The following ATAT1 variants were observed in gnomAD, a reference collection of about 807,000 sequenced individuals.
ATAT1 encodes alpha-tubulin N-acetyltransferase 1.
ATAT1 carries 42 observed loss-of-function variants against 57.2 expected under a neutral mutation model. That is an observed-to-expected ratio of 0.73 (90% CI 0.57 to 0.95). ATAT1 has a LOEUF of 0.95. ATAT1 is among the 40% of genes least tolerant of loss of function. ATAT1 has a pLI of 0.00. For synonymous variants in ATAT1, 168 were observed against 187.1 expected (o/e 0.90, Z 0.83); for missense variants, 454 against 523.7 (o/e 0.87, Z 1.30).
Position 30,645,965 on chromosome 6 carries a change from C to T in ATAT1, c.1003C>T (p.Pro335Ser), listed in dbSNP as rs777516838. The change falls in exon 11 of 13, where the codon CCC (proline) becomes TCC (serine). Residue 335 changes from proline (P) to serine (S), a missense_variant. Around this residue, in one of 3 missense-constraint regions of ATAT1, gnomAD observed 216 missense variants for 222.2 expected, o/e 0.97. Transcript: ENST00000330083. ...CCATGGGGGGGTGAATTCCTCATCCCCCAATACAGGTAAGTATTCACTCCT... is the reference window on the plus strand; with the variant it reads ...CCATGGGGGGGTGAATTCCTCATCCTCCAATACAGGTAAGTATTCACTCCT... The T allele has an allele frequency of 7.0e-5, 110 of 1,576,146 alleles. No individual in the cohort carries two copies. The highest frequency in any genetic ancestry group is 9.3e-5 in the Non-Finnish European group (108 of 1,161,066).
chr6:30,634,151 G>A lies in ATAT1; in HGVS notation c.501+5721G>A, dbSNP rs542235912. On this transcript the variant is annotated intron_variant, in intron 6 of 12. Coordinates refer to ENST00000330083, the MANE Select transcript of ATAT1 (RefSeq NM_001031722.4). Reference sequence around the variant, plus strand: ...GAATTTGCAACAGAGGAGGAAAAAAGAACCAAAACTTCCAAGGTCTTGCTC... The same window carrying A: ...GAATTTGCAACAGAGGAGGAAAAAAAAACCAAAACTTCCAAGGTCTTGCTC... Among the ~76,000 whole-genome samples the A allele has an allele frequency of 9.3e-3, 1,422 of 152,142 alleles. 7 individuals are homozygous for A. Among genetic ancestry groups the A allele is most frequent in the Middle Eastern group, 0.034 (10 of 294 alleles).
intron 8 of ATAT1, among the ~76,000 whole-genome samples, chr6:30,641,136 C>A (rs1332583327): frequency 5.3e-5 from 8 of 151,966 alleles, no homozygotes; most frequent in Non-Finnish European, 1.2e-4. Context: ...CACACACACA[C>A]AAACACACTT....
chr6:30,636,224 G>A (rs1764041411), intron 6 of ATAT1, among the ~76,000 whole-genome samples: 3 of 152,174 alleles, frequency 2.0e-5, no homozygotes, highest in African/African-American at 7.2e-5. Context: ...GTGTTTGTCA[G>A]GTGGACAAAA....
In ATAT1 at chr6:30,627,034, C is replaced by G; in HGVS notation, c.-170C>G. 2 of 1,552,040 alleles carry G rather than the reference C, an allele frequency of 1.3e-6. No individual in the cohort carries two copies. The highest frequency in any genetic ancestry group is 1.7e-6 in the Non-Finnish European group (2 of 1,144,798). ...ACCCTCTGGCCCTTTTCTCCCGGTT[C>G]CTCTCCAAACCTGGTCCAGGCACCA... On this transcript the variant is annotated 5_prime_UTR_variant, in exon 1 of 13. Transcript: ENST00000330083.
At position 30,640,568 on chromosome 6, in the gene ATAT1, ACT is replaced by A; in HGVS notation, c.585_586del (p.Arg196CysfsTer30). On this transcript the variant is annotated frameshift_variant, in exon 8 of 13. Coordinates refer to ENST00000330083, the MANE Select transcript of ATAT1 (RefSeq NM_001031722.4). LOFTEE classifies it high-confidence loss of function. ...GCTCCCTCTCTGAGGGCAACTCGAC[ACT>A]CTCGTGCTGCTGCAGTCGATCCCAC... is the stretch of plus-strand genomic sequence containing the variant. 1.2e-6 allele frequency: 2 copies of A among 1,612,592 alleles called. No individual in the cohort carries two copies. The highest frequency in any genetic ancestry group is 1.3e-5 in the African/African-American group (1 of 74,866).
chr6:30,641,903 C>T, intron 8 of ATAT1: 1 of 1,270,774 alleles, frequency 7.9e-7, no homozygotes. Context: ...TGCCCTTCTC[C>T]TGCATCTCCC....
intron 5 of ATAT1, 58 bp downstream of exon 5, chr6:30,628,203 T>G: frequency 6.4e-7 from 1 of 1,555,644 alleles, no homozygotes. Flanking sequence ...CCCTGAGCCC[T>G]TCCAGAAGCC....
At chr6:30,637,682 T>TAA (rs529959080) in intron 6 of ATAT1, among the ~76,000 whole-genome samples, 5,225 of 134,820 alleles carry the variant, frequency 0.039, 176 homozygotes, top group African/African-American at 0.085. Context: ...GATTCCATGT[T>TAA]AAAAAAAAAA....
At chr6:30,633,145 A>G (rs1763281214) in intron 6 of ATAT1, among the ~76,000 whole-genome samples, 1 of 152,176 alleles carries the variant, frequency 6.6e-6, no homozygotes, top group South Asian at 2.1e-4. Flanking sequence ...GAGAAAGAGG[A>G]CTTTAGGACA....
rs532693173 is a variant in ATAT1, at chr6:30,636,770, A to G, written c.502-3607A>G. Among the ~76,000 whole-genome samples the G allele has an allele frequency of 3.9e-5, 6 of 151,986 alleles. No homozygotes were observed. The South Asian group carries it at 1.0e-3, about 26-fold the overall frequency. On this transcript the variant is annotated intron_variant, in intron 6 of 12. Coordinates refer to ENST00000330083, the MANE Select transcript of ATAT1 (RefSeq NM_001031722.4). ...CTTCCTACAGTATATTTTTCCATTA[A>G]GAGGCAACAGAGAGCAGTGGAAGGA... is the stretch of plus-strand genomic sequence containing the variant.
intron 1 of ATAT1, 176 bp from the exon 2 acceptor site, chr6:30,627,284 A>C (rs972763732): frequency 4.3e-6 from 7 of 1,613,744 alleles, no homozygotes; most frequent in Non-Finnish European, 5.9e-6. Context: ...GGTGTGACAG[A>C]AGTTTGGGTT....
chr6:30,644,906 C>G (rs1766361368), intron 10 of ATAT1, among the ~76,000 whole-genome samples: 1 of 152,142 alleles, frequency 6.6e-6, no homozygotes, highest in Admixed American at 6.5e-5. Context: ...TATCTACTCC[C>G]TCATTCCCTC....
Position 30,646,669 on chromosome 6 carries a change from A to C in ATAT1, c.*26A>C. ...CCGCAGCCCCGTCAAACATCTTCAA[A>C]GTATTATTTCTCCCTCACTACAGGA... is the stretch of plus-strand genomic sequence containing the variant. On this transcript the variant is annotated 3_prime_UTR_variant, in exon 13 of 13. Coordinates refer to ENST00000330083, the MANE Select transcript of ATAT1 (RefSeq NM_001031722.4). The C allele has an allele frequency of 6.6e-7, 1 of 1,522,566 alleles. No individual in the cohort carries two copies. Among genetic ancestry groups the C allele is most frequent in the Non-Finnish European group, 8.9e-7 (1 of 1,129,800 alleles). 94.3% of individuals were successfully genotyped at this position (1,522,566 alleles called of 1,614,324 possible).
chr6:30,641,457 GTGC>G (rs1765427978), intron 8 of ATAT1, among the ~76,000 whole-genome samples: 1 of 152,144 alleles, frequency 6.6e-6, no homozygotes, highest in African/African-American at 2.4e-5. Context: ...GCAGGGGAGG[GTGC>G]TGTGGATAAA....
intron 6 of ATAT1, among the ~76,000 whole-genome samples, chr6:30,630,390 C>T (rs1762597134): frequency 6.6e-6 from 1 of 152,128 alleles, no homozygotes; most frequent in South Asian, 2.1e-4. Flanking sequence ...AATCCCAGCA[C>T]TTTGGGAGGC....
At chr6:30,633,733 G>A (rs1053769387) in intron 6 of ATAT1, 6 of 208,722 alleles carry the variant, frequency 2.9e-5, no homozygotes, top group Admixed American at 1.1e-4. Context: ...CCATGCTAAC[G>A]GGAACGCTAA....
intron 6 of ATAT1, among the ~76,000 whole-genome samples, chr6:30,628,901 CTTTT>C (rs78380830): frequency 1.5e-5 from 2 of 136,780 alleles, no homozygotes; most frequent in Non-Finnish European, 3.2e-5. Flanking sequence ...CCGCATCTGA[CTTTT>C]TTTTTTTTTT....
intron 10 of ATAT1, among the ~76,000 whole-genome samples, chr6:30,645,510 A>G (rs1320270937): frequency 1.3e-5 from 2 of 152,096 alleles, no homozygotes; most frequent in South Asian, 2.1e-4. Flanking sequence ...CACCGCGCCC[A>G]GCCTGGTCTA....
intron 6 of ATAT1, among the ~76,000 whole-genome samples, chr6:30,630,657 G>A (rs1434935388): frequency 2.7e-5 from 4 of 150,600 alleles, no homozygotes; most frequent in African/African-American, 4.9e-5. Context: ...AAGAAAAAGG[G>A]CCAGGCATGG....
Sources: gnomAD v4.1 joint callset for allele counts (sites outside exome capture counted in the v4.1 genomes callset) on GRCh38, gnomAD v4.1.1 for gene constraint, gnomAD v4.1.1 regional missense constraint, MANE v1.5 for transcripts, NCBI Gene and HGNC (gene_info 2026-07-23, HGNC 2026-07-21) for gene names.